MACROD2: variants seen among roughly 807,000 people sequenced by gnomAD.
MACROD2 encodes mono-ADP ribosylhydrolase 2, also known as ADP-ribose glycohydrolase MACROD2.
In MACROD2, 36 loss-of-function variants were observed where a neutral mutation model predicts 70.4. The observed-to-expected ratio is 0.51, with a 90% confidence interval of 0.39 to 0.68. The LOEUF (loss-of-function observed/expected upper bound fraction) is 0.68, where lower values mean the gene tolerates loss of function less well. Ranked by LOEUF, MACROD2 falls within the 30% of genes least tolerant of loss-of-function variation. MACROD2 has a pLI of 0.00. For missense variants in MACROD2, 496 were observed against 538.4 expected (o/e 0.92, Z 0.78); for synonymous variants, 172 against 178.8 (o/e 0.96, Z 0.30).
chr20:14,937,023 G>A (rs1342606841), intron 5 of MACROD2, among the ~76,000 whole-genome samples: 2 of 152,182 alleles, frequency 1.3e-5, no homozygotes, highest in African/African-American at 4.8e-5. Context: ...GCAAGTAAAG[G>A]AAGGTAGGTT....
intron 6 of MACROD2, among the ~76,000 whole-genome samples, chr20:15,323,723 T>C (rs1398747371): frequency 6.6e-6 from 1 of 152,182 alleles, no homozygotes; most frequent in African/African-American, 2.4e-5. Context: ...ATTTTTATTA[T>C]TTTTCCTTTC....
intron 3 of MACROD2, among the ~76,000 whole-genome samples, chr20:14,351,380 A>G (rs1014058280): frequency 6.6e-6 from 1 of 152,126 alleles, no homozygotes; most frequent in Non-Finnish European, 1.5e-5. Context: ...CTCCATGAAC[A>G]TGGAATATCT....
chr20:14,253,901 G>A (rs551074094), intron 3 of MACROD2, among the ~76,000 whole-genome samples: 2 of 152,094 alleles, frequency 1.3e-5, no homozygotes, highest in East Asian at 3.9e-4. Flanking sequence ...ACCAATGGGT[G>A]CAATTAAATT....
chr20:14,460,136 T>G (rs901850828), intron 3 of MACROD2, among the ~76,000 whole-genome samples: 10 of 152,116 alleles, frequency 6.6e-5, no homozygotes, highest in African/African-American at 2.4e-4. Flanking sequence ...TGATGGGCAT[T>G]TGTGTTGGTT....
chr20:15,037,421 G>A (rs1029521027), intron 5 of MACROD2, among the ~76,000 whole-genome samples: 1 of 152,158 alleles, frequency 6.6e-6, no homozygotes. Flanking sequence ...TTCTCATTTG[G>A]CATGTTTAAG....
chr20:15,231,613 A>G (rs1462233458), intron 6 of MACROD2, among the ~76,000 whole-genome samples: 2 of 152,074 alleles, frequency 1.3e-5, no homozygotes, highest in African/African-American at 4.8e-5. Context: ...TAGAAACAGT[A>G]TAAAAATAAC....
chr20:15,932,680 T>G (rs1194992358), intron 10 of MACROD2, among the ~76,000 whole-genome samples: 1 of 152,164 alleles, frequency 6.6e-6, no homozygotes, highest in Non-Finnish European at 1.5e-5. Context: ...AGTAGCTATT[T>G]TAAGAAAAAA....
intron 5 of MACROD2, among the ~76,000 whole-genome samples, chr20:15,191,625 T>C (rs183019638): frequency 6.6e-6 from 1 of 152,140 alleles, no homozygotes; most frequent in East Asian, 1.9e-4. Flanking sequence ...AAACGACAAA[T>C]GAATCCCAGG....
Position 13,995,940 on chromosome 20 carries a change from C to A in MACROD2, c.46+131C>A. On this transcript the variant is annotated intron_variant, in intron 1 of 17. Transcript: ENST00000684519. This position sits in a 1 kb window ranked among gnomAD's most constrained non-coding sequence, Gnocchi z 4.3. ...CGCCCTCCCGGCCGGTGCCGCCTCC[C>A]TCCGGTGTCCGTGTGTACACACGCG... is the stretch of plus-strand genomic sequence containing the variant. 9.4e-7 allele frequency: 1 copy of A among 1,062,706 alleles called. No homozygotes were observed. Among genetic ancestry groups the A allele is most frequent in the Non-Finnish European group, 1.4e-6 (1 of 718,540 alleles). 65.8% of individuals were successfully genotyped at this position (1,062,706 alleles called of 1,614,324 possible).
At chr20:15,005,997 G>A (rs146567000) in intron 5 of MACROD2, among the ~76,000 whole-genome samples, 3 of 152,112 alleles carry the variant, frequency 2.0e-5, no homozygotes, top group East Asian at 1.9e-4. Flanking sequence ...CTGACATATC[G>A]TCTCTAGCCT....
At chr20:14,725,197 A>T (rs1376443952) in intron 5 of MACROD2, among the ~76,000 whole-genome samples, 2 of 152,306 alleles carry the variant, frequency 1.3e-5, no homozygotes, top group South Asian at 4.1e-4. Flanking sequence ...TTTGGAAGTG[A>T]TAACAAGAGT....
intron 5 of MACROD2, among the ~76,000 whole-genome samples, chr20:14,771,225 G>GA (rs1435432378): frequency 6.6e-6 from 1 of 152,048 alleles, no homozygotes; most frequent in Non-Finnish European, 1.5e-5. Context: ...CCAGTTCTCA[G>GA]AACTACACTA....
rs542484552 is a variant in MACROD2, at chr20:14,931,826, C to G, written c.418+246867C>G. Reference sequence around the variant, plus strand: ...TAGTCTGGGCAACATAACAAGACCCCCATCTCTTAAAAAAAAAAAATTAGC... The same window carrying G: ...TAGTCTGGGCAACATAACAAGACCCGCATCTCTTAAAAAAAAAAAATTAGC... On this transcript the variant is annotated intron_variant, in intron 5 of 17. Coordinates refer to ENST00000684519, the MANE Select transcript of MACROD2 (RefSeq NM_001351661.2). Among the ~76,000 whole-genome samples, 6 of 120,890 alleles carry G rather than the reference C, an allele frequency of 5.0e-5. No individual in the cohort carries two copies. The East Asian group carries it at 1.5e-3, about 31-fold the overall frequency. The allele number at this position is 120,890 out of a possible 152,430, so 79.3% of individuals were successfully genotyped here. A position where few individuals can be genotyped will look rare whatever the true frequency, so the allele number is the denominator to read the frequency against.
At chr20:14,190,689 TA>T (rs2081377630) in intron 3 of MACROD2, among the ~76,000 whole-genome samples, 1 of 43,082 alleles carries the variant, frequency 2.3e-5, no homozygotes, top group Admixed American at 3.4e-4. Flanking sequence ...TATATATATA[TA>T]TATATATATT....
In MACROD2 at chr20:14,085,667, A is replaced by C. The variant is rs1380457047; in HGVS notation, c.210A>C (p.Glu70Asp). The change falls in exon 3 of 18, where the codon GAA becomes GAC. Residue 70 changes from glutamate (E) to aspartate (D), a missense_variant. Coordinates refer to ENST00000684519, the MANE Select transcript of MACROD2 (RefSeq NM_001351661.2). ...ETSQVKKSLT[E>D]KVSLYRGDIT... ...CCCAGGTGAAGAAAAGTTTGACTGA[A>C]AAAGTTTCTCTCTATAGAGGTGACA... The C allele has an allele frequency of 8.2e-6, 13 of 1,581,894 alleles. No individual in the cohort carries two copies. Among genetic ancestry groups the C allele is most frequent in the Non-Finnish European group, 1.1e-5 (13 of 1,163,576 alleles).
intron 4 of MACROD2, among the ~76,000 whole-genome samples, chr20:14,581,888 A>G (rs946852241): frequency 2.6e-5 from 4 of 152,156 alleles, no homozygotes; most frequent in African/African-American, 9.7e-5. Flanking sequence ...TTCTTGGCCA[A>G]TATGGGATGG....
At chr20:14,570,992 T>G (rs542881445) in intron 4 of MACROD2, among the ~76,000 whole-genome samples, 31 of 152,162 alleles carry the variant, frequency 2.0e-4, no homozygotes, top group Non-Finnish European at 3.7e-4. Flanking sequence ...TTCTGAAACT[T>G]TACTTTAAGC....
chr20:16,017,892 G>A (rs1220761039), intron 15 of MACROD2, among the ~76,000 whole-genome samples: 3 of 152,174 alleles, frequency 2.0e-5, no homozygotes, highest in Non-Finnish European at 2.9e-5. Flanking sequence ...GCCACATGGT[G>A]CTGAAATGAT....
At chr20:14,757,543 C>A in intron 5 of MACROD2, 1 of 804,202 alleles carries the variant, frequency 1.2e-6, no homozygotes, top group Non-Finnish European at 2.1e-6. Context: ...GCCCTGGCCC[C>A]GGACCCTACA....
Sources: allele counts gnomAD v4.1 joint callset (sites outside exome capture counted in the v4.1 genomes callset), GRCh38; gene constraint gnomAD v4.1.1; non-coding constraint Gnocchi (gnomAD v3.1); transcripts MANE v1.5; gene names NCBI Gene and HGNC (gene_info 2026-07-23, HGNC 2026-07-21).